The following ZNF277 variants were observed in gnomAD, a reference collection of about 807,000 sequenced individuals.
ZNF277 encodes the protein zinc finger protein 277, also known as nuclear receptor-interacting factor 4.
A neutral mutation model predicts 60.7 loss-of-function variants in ZNF277; 55 were observed. The ratio of observed to expected loss-of-function variants is 0.91; its 90% CI spans 0.73 to 1.13. The LOEUF (loss-of-function observed/expected upper bound fraction) is 1.13. ZNF277 is among the 50% of genes most tolerant of loss of function. The pLI is 0.00. For missense variants in ZNF277, 510 were observed against 523.0 expected, an observed-to-expected ratio of 0.98 and a Z score of 0.24; for synonymous variants, 178 against 179.3, an observed-to-expected ratio of 0.99 and a Z score of 0.06.
At chr7:112,258,460 C>T (rs1316566147) in intron 1 of ZNF277, among the ~76,000 whole-genome samples, 4 of 149,952 alleles carry the variant, frequency 2.7e-5, no homozygotes, top group East Asian at 1.9e-4. Context: ...GACGTACTTA[C>T]GCCAAAAAAA....
At chr7:112,284,567 C>T (rs1792017829) in intron 1 of ZNF277, among the ~76,000 whole-genome samples, 2 of 152,108 alleles carry the variant, frequency 1.3e-5, no homozygotes, top group Admixed American at 1.3e-4. Context: ...TCCAGAACTC[C>T]TTGATTTCAT....
At chr7:112,307,607 G>A (rs979385616) in intron 4 of ZNF277, among the ~76,000 whole-genome samples, 4 of 151,576 alleles carry the variant, frequency 2.6e-5, no homozygotes, top group Admixed American at 6.6e-5. Flanking sequence ...AATAGACGGG[G>A]TTTCACCATG....
rs547971287 is a variant in ZNF277, at chr7:112,211,930, T to C, written c.91+5123T>C. On this transcript the variant is annotated intron_variant, in intron 1 of 11. Transcript: ENST00000361822. ...CAGTAAACATTGTATAACAGTCTAA[T>C]GTTAGAATATGCTTGAAATTTATTC... is the stretch of plus-strand genomic sequence containing the variant. Among the ~76,000 whole-genome samples, 202 of 152,348 alleles carry C rather than the reference T, an allele frequency of 1.3e-3. 2 individuals are homozygous for C. The highest frequency in any genetic ancestry group is 1.7e-3 in the Admixed American group (26 of 15,306).
chr7:112,312,452 G>T (rs780036425), intron 4 of ZNF277, among the ~76,000 whole-genome samples: 1 of 152,042 alleles, frequency 6.6e-6, no homozygotes, highest in Non-Finnish European at 1.5e-5. Flanking sequence ...TCTTACTTGT[G>T]ATGATAATGG....
chr7:112,226,005 T>A (rs921424452), intron 1 of ZNF277, among the ~76,000 whole-genome samples: 5 of 152,216 alleles, frequency 3.3e-5, no homozygotes, highest in African/African-American at 1.2e-4. Flanking sequence ...AAATATTATA[T>A]CCTGTTTCCC....
At chr7:112,218,341 G>A (rs967529717) in intron 1 of ZNF277, among the ~76,000 whole-genome samples, 2 of 152,232 alleles carry the variant, frequency 1.3e-5, no homozygotes, top group Non-Finnish European at 2.9e-5. Context: ...TTTTTGTTTC[G>A]TATTTTAGAA....
chr7:112,228,855 A>C (rs1339016471), intron 1 of ZNF277, among the ~76,000 whole-genome samples: 1 of 152,138 alleles, frequency 6.6e-6, no homozygotes, highest in African/African-American at 2.4e-5. Context: ...TCAGGTTGAC[A>C]TATTCATTGT....
At chr7:112,291,318 G>T (rs56675883) in intron 2 of ZNF277, among the ~76,000 whole-genome samples, 20,768 of 152,064 alleles carry the variant, frequency 0.14, 1,497 homozygotes, top group South Asian at 0.16. Context: ...TTACAGTGAG[G>T]GTGGGCAGGC....
At chr7:112,210,617 GT>G (rs1018235537) in intron 1 of ZNF277, among the ~76,000 whole-genome samples, 1 of 151,910 alleles carries the variant, frequency 6.6e-6, no homozygotes, top group Admixed American at 6.6e-5. Flanking sequence ...GATTACAGGC[GT>G]GTGCCACCAT....
intron 1 of ZNF277, among the ~76,000 whole-genome samples, chr7:112,256,764 C>T (rs536021337): frequency 1.4e-4 from 21 of 152,132 alleles, no homozygotes; most frequent in Admixed American, 7.2e-4. Context: ...CAGTTTAAAG[C>T]TGGGGAATGG....
intron 1 of ZNF277, among the ~76,000 whole-genome samples, chr7:112,267,773 CT>C (rs1292270297): frequency 3.9e-5 from 6 of 151,982 alleles, no homozygotes; most frequent in Admixed American, 3.9e-4. Context: ...AAAGTTTTCC[CT>C]AGTATTGATA....
chr7:112,319,406 A>G (rs992717503), intron 5 of ZNF277, among the ~76,000 whole-genome samples: 12 of 152,026 alleles, frequency 7.9e-5, no homozygotes, highest in Non-Finnish European at 2.9e-5. Flanking sequence ...ATTACGCATC[A>G]GCAATGTTTA....
intron 1 of ZNF277, among the ~76,000 whole-genome samples, chr7:112,270,973 T>C (rs1484686559): frequency 6.6e-6 from 1 of 152,024 alleles, no homozygotes; most frequent in African/African-American, 2.4e-5. Context: ...TGTAAAAAAA[T>C]CAGCATATTT....
chr7:112,342,526 G>C, intron 11 of ZNF277, 35 bp from the exon 12 acceptor site: 1 of 1,516,340 alleles, frequency 6.6e-7, no homozygotes, highest in Non-Finnish European at 8.9e-7. Context: ...TATTAGCTTG[G>C]TAATTTAATA....
intron 1 of ZNF277, among the ~76,000 whole-genome samples, chr7:112,243,316 AAAG>A (rs1039517642): frequency 6.6e-6 from 1 of 152,022 alleles, no homozygotes; most frequent in African/African-American, 2.4e-5. Context: ...CAACAAAAAC[AAAG>A]ATAGACAAGT....
At chr7:112,341,376 G>T (rs1793442094) in intron 11 of ZNF277, among the ~76,000 whole-genome samples, 1 of 152,028 alleles carries the variant, frequency 6.6e-6, no homozygotes, top group Non-Finnish European at 1.5e-5. Flanking sequence ...TCCATCTGTT[G>T]CATCCTTTCT....
chr7:112,216,551 C>T (rs995234542), intron 1 of ZNF277, among the ~76,000 whole-genome samples: 5 of 152,124 alleles, frequency 3.3e-5, no homozygotes, highest in African/African-American at 4.8e-5. Flanking sequence ...CTCAGTGATC[C>T]GCCCACCTCA....
intron 5 of ZNF277, among the ~76,000 whole-genome samples, chr7:112,320,367 A>G (rs1398971842): frequency 6.6e-6 from 1 of 152,144 alleles, no homozygotes; most frequent in East Asian, 1.9e-4. Context: ...TCTAGTTCTT[A>G]TAAAACGTCC....
chr7:112,281,984 C>T (rs566751288), intron 1 of ZNF277, among the ~76,000 whole-genome samples: 1 of 152,312 alleles, frequency 6.6e-6, no homozygotes, highest in East Asian at 1.9e-4. Flanking sequence ...AGGCCTGTGC[C>T]ACCACGCCCT....
Sources: allele counts gnomAD v4.1 joint callset (sites outside exome capture counted in the v4.1 genomes callset), GRCh38; gene constraint gnomAD v4.1.1; transcripts MANE v1.5; gene names NCBI Gene and HGNC (gene_info 2026-07-23, HGNC 2026-07-21).